LRMDA: variants seen among roughly 807,000 people sequenced by gnomAD.
The protein encoded by LRMDA is leucine-rich melanocyte differentiation-associated protein.
Under a neutral mutation model 29.8 loss-of-function variants are expected in LRMDA, and 18 were observed. The ratio of observed to expected loss-of-function variants is 0.60; its 90% CI spans 0.42 to 0.90. The LOEUF is 0.90. Among genes scored for constraint, LRMDA ranks in the 40% least tolerant of loss-of-function variants. LRMDA has a pLI of 0.00. For missense variants in LRMDA, 273 were observed against 273.9 expected (o/e 1.00, Z 0.02); for synonymous variants, 125 against 109.4 (o/e 1.14, Z -0.89).
intron 2 of LRMDA, among the ~76,000 whole-genome samples, chr10:75,708,905 G>A (rs1485263015): frequency 2.6e-5 from 4 of 152,056 alleles, no homozygotes; most frequent in African/African-American, 9.7e-5. Flanking sequence ...AAGAATTTTC[G>A]TGCTTTTGCT....
At chr10:76,083,693 A>T (rs966945957) in intron 5 of LRMDA, among the ~76,000 whole-genome samples, 1 of 151,964 alleles carries the variant, frequency 6.6e-6, no homozygotes, top group Non-Finnish European at 1.5e-5. Context: ...AATTAGCCAG[A>T]TGTGGTGGCG....
intron 2 of LRMDA, among the ~76,000 whole-genome samples, chr10:75,976,245 A>T (rs1847067750): frequency 6.6e-6 from 1 of 152,230 alleles, no homozygotes; most frequent in Admixed American, 6.5e-5. Context: ...GAACAAACCT[A>T]TTCATTCGTT....
chr10:75,823,685 AGTGTGTGTGTGTGTGTGTGTGTGT>A (rs141426887), intron 2 of LRMDA, among the ~76,000 whole-genome samples: 6 of 144,066 alleles, frequency 4.2e-5, no homozygotes, highest in Non-Finnish European at 9.1e-5. Context: ...ATTAAAATGT[AGTGTGTGTGTGTGTGTGTGTGTGT>A]GTGTGTGTGT....
intron 2 of LRMDA, among the ~76,000 whole-genome samples, chr10:75,940,602 C>A (rs997461843): frequency 6.6e-6 from 1 of 152,130 alleles, no homozygotes; most frequent in Non-Finnish European, 1.5e-5. Context: ...AGTAGCTTTG[C>A]GTCCCATCTC....
chr10:76,045,550 C>G (rs1848424692), intron 3 of LRMDA, among the ~76,000 whole-genome samples: 1 of 151,948 alleles, frequency 6.6e-6, no homozygotes, highest in Non-Finnish European at 1.5e-5. Flanking sequence ...GCTGCTCTCA[C>G]CTAGGGTATA....
chr10:75,542,505 CA>C (rs1411608211), intron 2 of LRMDA, among the ~76,000 whole-genome samples: 5 of 152,066 alleles, frequency 3.3e-5, no homozygotes, highest in Non-Finnish European at 5.9e-5. Flanking sequence ...TTCTTCTAGA[CA>C]ACCCCACTCT....
chr10:76,293,731 CAT>C (rs1840378327), intron 5 of LRMDA, among the ~76,000 whole-genome samples: 1 of 152,202 alleles, frequency 6.6e-6, no homozygotes, highest in Admixed American at 6.5e-5. Flanking sequence ...ATAAAATTCT[CAT>C]GTTACCTTAT....
intron 2 of LRMDA, among the ~76,000 whole-genome samples, chr10:75,613,880 G>A (rs752689821): frequency 6.6e-6 from 1 of 152,144 alleles, no homozygotes; most frequent in African/African-American, 2.4e-5. Flanking sequence ...CATTAAAGCC[G>A]CCTGAGCTTT....
chr10:76,478,529 C>T, intron 6 of LRMDA, among the ~76,000 whole-genome samples: 1 of 152,100 alleles, frequency 6.6e-6, no homozygotes, highest in Admixed American at 6.6e-5. Flanking sequence ...TCATTTGACC[C>T]AGCCATCCCA....
chr10:76,533,460 T>C (rs1195801243), intron 6 of LRMDA, among the ~76,000 whole-genome samples: 2 of 152,202 alleles, frequency 1.3e-5, no homozygotes, highest in African/African-American at 4.8e-5. Flanking sequence ...ATTGTTGAAA[T>C]TGTTGCTGGT....
intron 2 of LRMDA, among the ~76,000 whole-genome samples, chr10:75,955,396 T>G (rs1846647464): frequency 6.6e-6 from 1 of 152,198 alleles, no homozygotes. Context: ...ACCTGGAATC[T>G]GTGATTAAAC....
chr10:75,750,667 C>T (rs1476253846), intron 2 of LRMDA, among the ~76,000 whole-genome samples: 5 of 142,640 alleles, frequency 3.5e-5, no homozygotes, highest in South Asian at 4.7e-4. Flanking sequence ...ATGCTCCTCA[C>T]TTCCCAGACG....
chr10:76,006,067 G>T (rs1847650496), intron 2 of LRMDA, among the ~76,000 whole-genome samples: 1 of 152,184 alleles, frequency 6.6e-6, no homozygotes, highest in African/African-American at 2.4e-5. Context: ...GTTTCACAAA[G>T]GGAAAGAGAA....
intron 2 of LRMDA, among the ~76,000 whole-genome samples, chr10:75,808,312 T>C (rs532456519): frequency 6.6e-6 from 1 of 152,314 alleles, no homozygotes; most frequent in African/African-American, 2.4e-5. Context: ...GAACCATTTA[T>C]GTTTACTGTG....
chr10:75,777,253 A>G (rs1184218712), intron 2 of LRMDA, among the ~76,000 whole-genome samples: 1 of 152,126 alleles, frequency 6.6e-6, no homozygotes, highest in African/African-American at 2.4e-5. Context: ...AGACCCAACA[A>G]GGCTTTCTGG....
chr10:75,600,610 G>C (rs563398636), intron 2 of LRMDA, among the ~76,000 whole-genome samples: 1 of 152,198 alleles, frequency 6.6e-6, no homozygotes, highest in Non-Finnish European at 1.5e-5. Flanking sequence ...GGCTTCTGGG[G>C]CTAAAGTTCC....
At chr10:75,445,087 A>G (rs1379333612) in intron 2 of LRMDA, among the ~76,000 whole-genome samples, 1 of 152,090 alleles carries the variant, frequency 6.6e-6, no homozygotes, top group Non-Finnish European at 1.5e-5. Flanking sequence ...CACCACCACC[A>G]TGCCTGGCTA....
At chr10:75,613,330 G>A (rs921323602) in intron 2 of LRMDA, among the ~76,000 whole-genome samples, 5 of 152,162 alleles carry the variant, frequency 3.3e-5, no homozygotes, top group African/African-American at 1.2e-4. Context: ...GCCAAGAAAA[G>A]AGGCATTTTA....
At chr10:75,578,215 CAAA>C (rs1183989010) in intron 2 of LRMDA, among the ~76,000 whole-genome samples, 103 of 14,226 alleles carry the variant, frequency 7.2e-3, no homozygotes, top group African/African-American at 9.5e-3. Context: ...AAATGGAAAG[CAAA>C]AAAAAAAAAA....
Sources: allele counts gnomAD v4.1 joint callset (sites outside exome capture counted in the v4.1 genomes callset), GRCh38; gene constraint gnomAD v4.1.1; transcripts MANE v1.5; gene names NCBI Gene and HGNC (gene_info 2026-07-23, HGNC 2026-07-21).